The following CPPED1 variants were observed in gnomAD, a reference collection of about 807,000 sequenced individuals.
CPPED1 encodes the protein calcineurin like phosphoesterase domain containing 1.
CPPED1 carries 28 observed loss-of-function variants against 28.0 expected under a neutral mutation model. The ratio of observed to expected loss-of-function variants is 1.00; its 90% CI spans 0.74 to 1.37. The LOEUF is 1.37. Among genes scored for constraint, CPPED1 ranks in the 40% most tolerant of loss-of-function variants. The pLI, the probability that CPPED1 is intolerant of heterozygous loss-of-function variation, is 0.00. For synonymous variants in CPPED1, 198 were observed against 180.2 expected, an observed-to-expected ratio of 1.10 and a Z score of -0.79; for missense variants, 504 against 416.5, an observed-to-expected ratio of 1.21 and a Z score of -1.83.
intron 3 of CPPED1, among the ~76,000 whole-genome samples, chr16:12,696,501 C>A (rs867752068): frequency 7.0e-6 from 1 of 142,394 alleles, no homozygotes; most frequent in Admixed American, 7.5e-5. Context: ...AATGCAGTGG[C>A]GTGATCTCGG....
intron 2 of CPPED1, among the ~76,000 whole-genome samples, chr16:12,717,707 T>C (rs2080114888): frequency 6.6e-6 from 1 of 152,074 alleles, no homozygotes; most frequent in Non-Finnish European, 1.5e-5. Flanking sequence ...GAGGCACAAA[T>C]CTTGGCTCCC....
At chr16:12,762,393 G>A (rs2080414858) in intron 2 of CPPED1, among the ~76,000 whole-genome samples, 1 of 152,134 alleles carries the variant, frequency 6.6e-6, no homozygotes, top group Non-Finnish European at 1.5e-5. Context: ...TTTCCTTAAT[G>A]TTATCATCTG....
At chr16:12,789,550 G>A (rs2080583947) in intron 1 of CPPED1, among the ~76,000 whole-genome samples, 1 of 151,770 alleles carries the variant, frequency 6.6e-6, no homozygotes, top group Non-Finnish European at 1.5e-5. Context: ...TTTTTTAATG[G>A]GGTCTCACTC....
At chr16:12,752,081 T>A (rs2080333329) in intron 2 of CPPED1, among the ~76,000 whole-genome samples, 1 of 152,212 alleles carries the variant, frequency 6.6e-6, no homozygotes, top group Non-Finnish European at 1.5e-5. Flanking sequence ...GAGCACAACT[T>A]TGCTTTGAAG....
At chr16:12,702,969 G>T (rs2080028237) in intron 3 of CPPED1, among the ~76,000 whole-genome samples, 1 of 147,822 alleles carries the variant, frequency 6.8e-6, no homozygotes, top group African/African-American at 2.5e-5. Context: ...CCGAGATGGT[G>T]CCACTGCACT....
intron 2 of CPPED1, among the ~76,000 whole-genome samples, chr16:12,757,067 C>T (rs1160494107): frequency 2.6e-5 from 4 of 152,002 alleles, no homozygotes; most frequent in South Asian, 2.1e-4. Context: ...TATAGCACCT[C>T]GAGGATGACC....
In CPPED1 at chr16:12,665,096, T is replaced by A. The variant is rs377629661; in HGVS notation, c.735A>T (p.Ser245=). The change falls in exon 4 of 4, where the codon TCA becomes TCT. Residue 245 remains serine, a synonymous_variant. Coordinates refer to ENST00000381774, the MANE Select transcript of CPPED1 (RefSeq NM_018340.3). ...CCCCGGCATTCCTGTGGTAGTGGCCTGAGAACACGACTTTGACACCTGCAG... is the reference window on the plus strand; with the variant it reads ...CCCCGGCATTCCTGTGGTAGTGGCCAGAGAACACGACTTTGACACCTGCAG... ...FIHAGVKVVF[S]GHYHRNAGGT... 3 of 1,600,492 alleles carry A rather than the reference T, an allele frequency of 1.9e-6. No individual in the cohort carries two copies. The highest frequency in any genetic ancestry group is 2.6e-6 in the Non-Finnish European group (3 of 1,176,340).
At chr16:12,706,492 C>G (rs2141188212) in intron 2 of CPPED1, among the ~76,000 whole-genome samples, 1 of 150,198 alleles carries the variant, frequency 6.7e-6, no homozygotes, top group African/African-American at 2.4e-5. Context: ...TTTCTCCCTT[C>G]CTTTCCTTCC....
At chr16:12,785,309 G>A (rs954944543) in intron 1 of CPPED1, among the ~76,000 whole-genome samples, 3 of 152,058 alleles carry the variant, frequency 2.0e-5, no homozygotes, top group African/African-American at 7.2e-5. Flanking sequence ...GAGTACAGTG[G>A]CACAGTCATG....
chr16:12,737,187 C>T (rs2080231090), intron 2 of CPPED1, among the ~76,000 whole-genome samples: 1 of 151,532 alleles, frequency 6.6e-6, no homozygotes, highest in African/African-American at 2.4e-5. Context: ...GAGACCATGT[C>T]TCAAAAAAAT....
intron 2 of CPPED1, among the ~76,000 whole-genome samples, chr16:12,747,181 G>A (rs979765811): frequency 9.2e-5 from 14 of 151,998 alleles, no homozygotes; most frequent in Non-Finnish European, 4.4e-5. Flanking sequence ...TGTAATCCCA[G>A]CATTTTGGGA....
At chr16:12,789,036 C>T (rs1389152050) in intron 1 of CPPED1, among the ~76,000 whole-genome samples, 2 of 152,140 alleles carry the variant, frequency 1.3e-5, no homozygotes, top group Admixed American at 6.5e-5. Context: ...GCCCAGGCAG[C>T]GTTTATAAAC....
At chr16:12,678,305 A>C (rs2079888105) in intron 3 of CPPED1, among the ~76,000 whole-genome samples, 1 of 152,250 alleles carries the variant, frequency 6.6e-6, no homozygotes, top group South Asian at 2.1e-4. Context: ...AGAGACTTCT[A>C]TATCTACTTT....
chr16:12,694,676 C>G (rs530615209), intron 3 of CPPED1, among the ~76,000 whole-genome samples: 1 of 130,038 alleles, frequency 7.7e-6, no homozygotes, highest in African/African-American at 3.0e-5. Flanking sequence ...GGGTAAACTT[C>G]CTCTAGCTGA....
chr16:12,663,191 G>C lies in CPPED1; in HGVS notation c.*1695C>G, dbSNP rs1385413051. ...ATCTCCTGCCTCAGCCTCCCGAGTA[G>C]CTGGGATTACAGGTGTGCACCAGCA... On this transcript the variant is annotated 3_prime_UTR_variant, in exon 4 of 4. Transcript: ENST00000381774. 1 of 152,034 alleles carries C rather than the reference G, an allele frequency of 6.6e-6. No individual in the cohort carries two copies. Among genetic ancestry groups the C allele is most frequent in the Non-Finnish European group, 1.5e-5 (1 of 68,152 alleles). 9.4% of individuals were successfully genotyped at this position (152,034 alleles called of 1,614,324 possible). A position where few individuals can be genotyped will look rare whatever the true frequency, so the allele number is the denominator to read the frequency against.
At chr16:12,767,829 C>T (rs1223864296) in intron 2 of CPPED1, among the ~76,000 whole-genome samples, 1 of 152,054 alleles carries the variant, frequency 6.6e-6, no homozygotes, top group Non-Finnish European at 1.5e-5. Flanking sequence ...TGGGGGTGGG[C>T]ACCTGTAGTC....
At chr16:12,769,734 CACACGCG>C (rs2080459222) in intron 2 of CPPED1, among the ~76,000 whole-genome samples, 1 of 152,122 alleles carries the variant, frequency 6.6e-6, no homozygotes, top group African/African-American at 2.4e-5. Flanking sequence ...GCATTCGACC[CACACGCG>C]ACCTGCTGGA....
chr16:12,664,685 C>G lies in CPPED1; in HGVS notation c.*201G>C, dbSNP rs575569665. On this transcript the variant is annotated 3_prime_UTR_variant, in exon 4 of 4. Transcript: ENST00000381774. This position sits in a 1 kb window ranked among gnomAD's most constrained non-coding sequence, Gnocchi z 4.2. Reference sequence around the variant, plus strand: ...AAAAACTGATTTCCAGGATCATTCGCTCCATTTTAAAGGAAATGCAGTTCT... The same window carrying G: ...AAAAACTGATTTCCAGGATCATTCGGTCCATTTTAAAGGAAATGCAGTTCT... 63 of 1,415,462 alleles carry G rather than the reference C, an allele frequency of 4.5e-5. No homozygotes were observed. Among genetic ancestry groups the G allele is most frequent in the Non-Finnish European group, 5.4e-5 (59 of 1,095,602 alleles). The allele number at this position is 1,415,462 out of a possible 1,614,324, so 87.7% of individuals were successfully genotyped here. A position where few individuals can be genotyped will look rare whatever the true frequency, so the allele number is the denominator to read the frequency against.
At position 12,704,700 on chromosome 16, in the gene CPPED1, G is replaced by T; in HGVS notation, c.639C>A (p.Ile213=). The change falls in exon 3 of 4, where the codon ATC becomes ATA. Residue 213 remains isoleucine (I), a synonymous_variant. Transcript: ENST00000381774. ...TGAAGTAGTAGTCGTCGTCCTCGTC[G>T]ATGCTCTCCAGGAACAGCGGGATGT... ...FQHIPLFLES[I]DEDDDYYFNL... is the part of the protein sequence containing the mutation. The T allele has an allele frequency of 1.2e-6, 2 of 1,614,182 alleles. No individual in the cohort carries two copies. Among genetic ancestry groups the T allele is most frequent in the South Asian group, 1.1e-5 (1 of 91,080 alleles).
Sources: allele counts gnomAD v4.1 joint callset (sites outside exome capture counted in the v4.1 genomes callset), GRCh38; gene constraint gnomAD v4.1.1; non-coding constraint Gnocchi (gnomAD v3.1); transcripts MANE v1.5; gene names NCBI Gene and HGNC (gene_info 2026-07-23, HGNC 2026-07-21).